The following PAIP1 variants were observed in gnomAD, a reference collection of about 807,000 sequenced individuals.
PAIP1 encodes poly(A) binding protein interacting protein 1.
Under a neutral mutation model 61.3 loss-of-function variants are expected in PAIP1, and 16 were observed. The ratio of observed to expected loss-of-function variants is 0.26; its 90% CI spans 0.18 to 0.40. The LOEUF (loss-of-function observed/expected upper bound fraction) is 0.40, where lower values mean the gene tolerates loss of function less well. Among genes scored for constraint, PAIP1 ranks in the 10% least tolerant of loss-of-function variants. The probability of loss-of-function intolerance (pLI) is 1.00; values close to 1 mark genes in which losing one functional copy is unlikely to be tolerated. For missense variants in PAIP1, 416 were observed against 600.9 expected (o/e 0.69, Z 3.22); for synonymous variants, 187 against 226.2 (o/e 0.83, Z 1.56).
chr5:43,532,509 C>T (rs1241299200), intron 9 of PAIP1, among the ~76,000 whole-genome samples: 1 of 152,084 alleles, frequency 6.6e-6, no homozygotes, highest in African/African-American at 2.4e-5. Context: ...ATAAAAATTG[C>T]ACTGGTAGAT....
Position 43,547,747 on chromosome 5 carries a change from A to C in PAIP1, c.602T>G (p.Val201Gly), listed in dbSNP as rs1285442912. ...ACATACCTGTTGATAGATGAGTTCC[A>C]CAAGTTCTTGCAAAGCATCATCTGT... ...VTTDDALQEL[V>G]ELIYQQATSI... The change falls in exon 3 of 11, where the codon GTG (valine) becomes GGG (glycine). Residue 201 changes from valine to glycine, a missense_variant. Physicochemically the swap from Val to Gly is moderately radical, Grantham distance 109. Around this residue, in one of 4 missense-constraint regions of PAIP1, gnomAD observed 180 missense variants for 211.2 expected, o/e 0.85. Coordinates refer to ENST00000306846, the MANE Select transcript of PAIP1 (RefSeq NM_006451.5). 4 of 1,609,196 alleles carry C rather than the reference A, an allele frequency of 2.5e-6. No homozygotes were observed. The highest frequency in any genetic ancestry group is 3.4e-6 in the Non-Finnish European group (4 of 1,178,640).
intron 4 of PAIP1, among the ~76,000 whole-genome samples, chr5:43,541,561 C>T (rs1326559973): frequency 6.7e-6 from 1 of 150,358 alleles, no homozygotes; most frequent in Non-Finnish European, 1.5e-5. Flanking sequence ...GCTACCAGCA[C>T]AATTTATCCT....
chr5:43,539,007 G>T lies in PAIP1; in HGVS notation c.763C>A (p.Gln255Lys). 1 of 1,607,306 alleles carries T rather than the reference G, an allele frequency of 6.2e-7. No individual in the cohort carries two copies. The highest frequency in any genetic ancestry group is 1.1e-5 in the South Asian group (1 of 90,922). ...RCRTEYEVKDQAAKGDEVTRK... is the reference protein window; with the variant it reads ...RCRTEYEVKDKAAKGDEVTRK... Reference sequence around the variant, plus strand: ...GTAACTTCATCCCCTTTTGCAGCTTGATCTTTAACTTCATATTCAGTCCGA... The same window carrying T: ...GTAACTTCATCCCCTTTTGCAGCTTTATCTTTAACTTCATATTCAGTCCGA... The change falls in exon 5 of 11, where the codon CAA (glutamine) becomes AAA (lysine). Residue 255 changes from glutamine (Q) to lysine (K), a missense_variant. Around this residue, in one of 4 missense-constraint regions of PAIP1, gnomAD observed 135 missense variants for 283.9 expected, o/e 0.48. Transcript: ENST00000306846.
In PAIP1 at chr5:43,549,182, C is replaced by T. The variant is rs563744505; in HGVS notation, c.436-1269G>A. Among the ~76,000 whole-genome samples the T allele has an allele frequency of 8.5e-5, 13 of 152,280 alleles. 1 individual carries two copies. The South Asian group carries it at 1.0e-3, about 12-fold the overall frequency. On this transcript the variant is annotated intron_variant, in intron 2 of 10. Coordinates refer to ENST00000306846, the MANE Select transcript of PAIP1 (RefSeq NM_006451.5). The stretch of plus-strand genomic sequence containing the variant: ...TCTCAAACTCTGACTTCAGGTGATT[C>T]CCCCACCTTGGCCTCCCAAAGTGCT...
intron 1 of PAIP1, chr5:43,556,298 A>C: frequency 7.9e-7 from 1 of 1,259,776 alleles, no homozygotes; most frequent in Non-Finnish European, 9.9e-7. Context: ...GTCTCGCTTT[A>C]GAGGGCTGCT....
intron 2 of PAIP1, among the ~76,000 whole-genome samples, chr5:43,550,116 A>G (rs961617103): frequency 2.6e-5 from 4 of 152,294 alleles, no homozygotes; most frequent in Admixed American, 2.0e-4. Context: ...GAAATAGCAG[A>G]TTCATGTGCC....
Position 43,547,917 on chromosome 5 carries a change from C to A in PAIP1, c.436-4G>T. 10 of 1,592,620 alleles carry A rather than the reference C, an allele frequency of 6.3e-6. No individual in the cohort carries two copies. Among genetic ancestry groups the A allele is most frequent in the Non-Finnish European group, 8.6e-6 (10 of 1,167,618 alleles). ...CACAACCATCCTCATAGGATTCCTA[C>A]GGATCAAAAATGAAAAAACAATTTT... On this transcript the variant is annotated splice_region_variant and splice_polypyrimidine_tract_variant and intron_variant, in intron 2 of 10. Coordinates refer to ENST00000306846, the MANE Select transcript of PAIP1 (RefSeq NM_006451.5).
At chr5:43,542,354 G>A (rs565116085) in intron 4 of PAIP1, among the ~76,000 whole-genome samples, 10 of 151,846 alleles carry the variant, frequency 6.6e-5, no homozygotes, top group Admixed American at 3.3e-4. Context: ...CCAACATGGT[G>A]AAACCCGTCT....
intron 3 of PAIP1, among the ~76,000 whole-genome samples, chr5:43,547,069 A>AAAAAAAC: frequency 6.7e-6 from 1 of 149,054 alleles, no homozygotes; most frequent in Non-Finnish European, 1.5e-5. Flanking sequence ...AAAAAAAAAA[A>AAAAAAAC]GCGTTAATAT....
At chr5:43,541,771 T>C (rs1747424600) in intron 4 of PAIP1, among the ~76,000 whole-genome samples, 1 of 145,426 alleles carries the variant, frequency 6.9e-6, no homozygotes, top group Non-Finnish European at 1.5e-5. Context: ...TAGTTTTCTC[T>C]AAATTAGCTT....
chr5:43,531,110 G>C lies in PAIP1; in HGVS notation c.1253-1231C>G, dbSNP rs562559679. Reference sequence around the variant, plus strand: ...TCTGCCTGGGTTTGGAATAGGGACAGAGCACTTTGTAGAAATTGGTGCCCC... The same window carrying C: ...TCTGCCTGGGTTTGGAATAGGGACACAGCACTTTGTAGAAATTGGTGCCCC... On this transcript the variant is annotated intron_variant, in intron 9 of 10. Coordinates refer to ENST00000306846, the MANE Select transcript of PAIP1 (RefSeq NM_006451.5). 3.5e-4 allele frequency among the ~76,000 whole-genome samples: 53 copies of C among 152,222 alleles called. 1 individual carries two copies. Among genetic ancestry groups the C allele is most frequent in the African/African-American group, 1.2e-3 (51 of 41,520 alleles).
At chr5:43,540,519 A>C (rs1264108603) in intron 4 of PAIP1, among the ~76,000 whole-genome samples, 2 of 152,234 alleles carry the variant, frequency 1.3e-5, no homozygotes, top group Non-Finnish European at 2.9e-5. Context: ...TTATAAAAGC[A>C]ATGTATGTTT....
chr5:43,556,138 G>A (rs1748057876), intron 1 of PAIP1, 139 bp from the exon 2 acceptor site: 2 of 1,435,828 alleles, frequency 1.4e-6, no homozygotes, highest in Non-Finnish European at 1.8e-6. Context: ...GGTTATCGCC[G>A]GAATGTGTAC....
chr5:43,545,113 C>G (rs1465554085), intron 3 of PAIP1, among the ~76,000 whole-genome samples: 1 of 152,196 alleles, frequency 6.6e-6, no homozygotes, highest in African/African-American at 2.4e-5. Context: ...TCAGTTTTTA[C>G]TACACTTTTA....
intron 3 of PAIP1, among the ~76,000 whole-genome samples, chr5:43,546,437 A>C (rs544598377): frequency 6.6e-6 from 1 of 152,370 alleles, no homozygotes; most frequent in Admixed American, 6.5e-5. Flanking sequence ...CAAACAGTGC[A>C]GTTCTGTCTT....
rs1418952912 is a variant in PAIP1 at position 43,531,669 on chromosome 5, A to AAAAAAG, written c.1253-1791_1253-1790insCTTTTT. On this transcript the variant is annotated intron_variant, in intron 9 of 10. Transcript: ENST00000306846. ...GAGACTCTGTCTCAAAAAAAAAAAA[A>AAAAAAG]AAAAAAAAGAGAAAAAAAGAAAAGT... 1.9e-3 allele frequency among the ~76,000 whole-genome samples: 277 copies of AAAAAAG among 148,170 alleles called. 3 individuals are homozygous for AAAAAAG. The highest frequency in any genetic ancestry group is 6.5e-3 in the African/African-American group (268 of 41,006).
At chr5:43,535,510 T>TA (rs1274882090) in intron 7 of PAIP1, 24 bp downstream of exon 7, 1 of 1,225,660 alleles carries the variant, frequency 8.2e-7, no homozygotes, top group African/African-American at 1.5e-5. Context: ...ATGCACTGGC[T>TA]ATTTACATTA....
chr5:43,531,183 A>G (rs1255765072), intron 9 of PAIP1, among the ~76,000 whole-genome samples: 3 of 152,248 alleles, frequency 2.0e-5, no homozygotes, highest in South Asian at 2.1e-4. Flanking sequence ...TACTACCCAC[A>G]TAAAGAACCC....
At chr5:43,551,892 A>G (rs892330694) in intron 2 of PAIP1, among the ~76,000 whole-genome samples, 5 of 152,168 alleles carry the variant, frequency 3.3e-5, no homozygotes, top group Non-Finnish European at 2.9e-5. Context: ...GGAGGCATAG[A>G]GTATTTGGAA....
Sources: gnomAD v4.1 joint callset for allele counts (sites outside exome capture counted in the v4.1 genomes callset) on GRCh38, gnomAD v4.1.1 for gene constraint, gnomAD v4.1.1 regional missense constraint, MANE v1.5 for transcripts, NCBI Gene and HGNC (gene_info 2026-07-23, HGNC 2026-07-21) for gene names.